Variants in FOLH1 observed in about 807,000 individuals in gnomAD.
The protein encoded by FOLH1 is glutamate carboxypeptidase 2.
In FOLH1, 54 loss-of-function variants were observed where a neutral mutation model predicts 93.9. The observed-to-expected ratio is 0.57, with a 90% confidence interval of 0.46 to 0.72. FOLH1 has a LOEUF of 0.72. Ranked by LOEUF, FOLH1 falls within the 30% of genes least tolerant of loss-of-function variation. The pLI is 0.00. For missense variants in FOLH1, 571 were observed against 892.5 expected, an observed-to-expected ratio of 0.64 and a Z score of 4.59; for synonymous variants, 249 against 303.6, an observed-to-expected ratio of 0.82 and a Z score of 1.87.
rs115922690 is a variant in FOLH1, at chr11:49,173,885, C to G, written c.1106-409G>C. Among the ~76,000 whole-genome samples the G allele has an allele frequency of 2.8e-3, 431 of 152,242 alleles. 3 individuals are homozygous for G. Among genetic ancestry groups the G allele is most frequent in the African/African-American group, 0.01 (428 of 41,552 alleles). ...TTCTTTCTATTCAGTTTTTAAGGTA[C>G]AGCTCAAATATTTTCTCCCTCCATT... On this transcript the variant is annotated intron_variant, in intron 9 of 18. Coordinates refer to ENST00000256999, the MANE Select transcript of FOLH1 (RefSeq NM_004476.3).
In FOLH1 at chr11:49,145,319, G is replaced by C. The variant is rs1464583799; in HGVS notation, c.*1437C>G. 1.3e-5 allele frequency among the ~76,000 whole-genome samples: 2 copies of C among 152,054 alleles called. No homozygotes were observed. Among genetic ancestry groups the C allele is most frequent in the Admixed American group, 6.6e-5 (1 of 15,250 alleles). On this transcript the variant is annotated 3_prime_UTR_variant, in exon 19 of 19. Coordinates refer to ENST00000256999, the MANE Select transcript of FOLH1 (RefSeq NM_004476.3). Reference sequence around the variant, plus strand: ...CTGTGTGCACCCTTGGCAAACTCTGGCAATGCAAATGACATCTCCAGCATC... The same window carrying C: ...CTGTGTGCACCCTTGGCAAACTCTGCCAATGCAAATGACATCTCCAGCATC...
intron 15 of FOLH1, 34 bp from the exon 16 acceptor site, chr11:49,154,526 G>A (rs778728482): frequency 3.2e-6 from 5 of 1,561,166 alleles, no homozygotes; most frequent in Admixed American, 1.9e-5. Flanking sequence ...ATCTCTTATA[G>A]GATAGCTTAC....
At chr11:49,182,388 G>C (rs1860866107) in intron 7 of FOLH1, among the ~76,000 whole-genome samples, 1 of 149,008 alleles carries the variant, frequency 6.7e-6, no homozygotes, top group Non-Finnish European at 1.5e-5. Flanking sequence ...CAGGGAAGAG[G>C]AAACAGTTCC....
chr11:49,186,406 A>G (rs1014561855), intron 5 of FOLH1, among the ~76,000 whole-genome samples: 8 of 152,238 alleles, frequency 5.3e-5, no homozygotes, highest in Non-Finnish European at 1.0e-4. Flanking sequence ...CATAACCTGT[A>G]AGCACAGAAA....
intron 3 of FOLH1, among the ~76,000 whole-genome samples, chr11:49,200,004 T>C (rs539428495): frequency 2.2e-4 from 34 of 152,282 alleles, no homozygotes; most frequent in Admixed American, 2.2e-3. Flanking sequence ...TATTGGTGTG[T>C]AGTACTAAAA....
At chr11:49,182,720 T>A (rs376720525) in intron 7 of FOLH1, among the ~76,000 whole-genome samples, 1 of 152,210 alleles carries the variant, frequency 6.6e-6, no homozygotes, top group East Asian at 1.9e-4. Flanking sequence ...GCAGCATCTA[T>A]TTAAGCGAGG....
chr11:49,197,040 T>A (rs1364892053), intron 3 of FOLH1, among the ~76,000 whole-genome samples: 1 of 152,176 alleles, frequency 6.6e-6, no homozygotes. Flanking sequence ...CATCCCCACA[T>A]ATTCCAAATT....
At chr11:49,169,530 T>C (rs1036381425) in intron 11 of FOLH1, among the ~76,000 whole-genome samples, 1 of 152,210 alleles carries the variant, frequency 6.6e-6, no homozygotes, top group African/African-American at 2.4e-5. Context: ...AGTTAATTTC[T>C]TAACCATACT....
chr11:49,185,893 T>A, intron 5 of FOLH1, 38 bp from the exon 6 acceptor site: 1 of 1,504,974 alleles, frequency 6.6e-7, no homozygotes, highest in Non-Finnish European at 8.8e-7. Context: ...TATTTTAAAT[T>A]GGTTGTTCCA....
At chr11:49,167,403 G>A (rs1354280167) in intron 12 of FOLH1, among the ~76,000 whole-genome samples, 3 of 152,102 alleles carry the variant, frequency 2.0e-5, no homozygotes, top group Non-Finnish European at 4.4e-5. Context: ...AATGAATCCA[G>A]GCATCTGACG....
chr11:49,164,631 A>C, intron 13 of FOLH1, 74 bp downstream of exon 13: 1 of 1,003,020 alleles, frequency 1.0e-6, no homozygotes, highest in East Asian at 2.6e-5. Flanking sequence ...AACACCACCT[A>C]TGTTTAACAT....
chr11:49,173,045 A>T (rs746324515), intron 10 of FOLH1, among the ~76,000 whole-genome samples: 1 of 152,162 alleles, frequency 6.6e-6, no homozygotes, highest in Non-Finnish European at 1.5e-5. Context: ...TTGGCTTATA[A>T]TCTAATTTCA....
intron 2 of FOLH1, among the ~76,000 whole-genome samples, chr11:49,205,745 T>G (rs1051733362): frequency 2.0e-5 from 3 of 152,212 alleles, no homozygotes; most frequent in Non-Finnish European, 4.4e-5. Context: ...TAAGGAAAGT[T>G]TTATCAGAAC....
chr11:49,193,558 T>TG (rs1298223564), intron 3 of FOLH1, among the ~76,000 whole-genome samples: 4 of 152,150 alleles, frequency 2.6e-5, no homozygotes, highest in Non-Finnish European at 5.9e-5. Flanking sequence ...AGTACATGAT[T>TG]GGGGAATCCA....
At chr11:49,196,193 A>G (rs1565207502) in intron 3 of FOLH1, among the ~76,000 whole-genome samples, 1 of 152,190 alleles carries the variant, frequency 6.6e-6, no homozygotes, top group Non-Finnish European at 1.5e-5. Flanking sequence ...ATATAACAAT[A>G]AAGTCATATA....
At chr11:49,203,374 C>A (rs1043993903) in intron 2 of FOLH1, among the ~76,000 whole-genome samples, 36 of 152,192 alleles carry the variant, frequency 2.4e-4, no homozygotes, top group Non-Finnish European at 1.2e-4. Context: ...CCTAATTAAT[C>A]TTCCCATTCA....
intron 1 of FOLH1, among the ~76,000 whole-genome samples, chr11:49,207,444 G>A: frequency 6.6e-6 from 1 of 152,196 alleles, no homozygotes; most frequent in East Asian, 1.9e-4. Flanking sequence ...TCTGGTCCAT[G>A]CCCTGTTCTT....
chr11:49,183,457 A>G (rs1861022193), intron 6 of FOLH1, among the ~76,000 whole-genome samples: 1 of 152,156 alleles, frequency 6.6e-6, no homozygotes, highest in African/African-American at 2.4e-5. Context: ...CACTTAAGGT[A>G]ACTCTTTTGA....
intron 13 of FOLH1, chr11:49,162,970 G>T (rs1857893196): frequency 6.6e-6 from 1 of 152,146 alleles, no homozygotes; most frequent in African/African-American, 2.4e-5. Flanking sequence ...GTCCAAGGGA[G>T]TTATAGACAT....
Sources: gnomAD v4.1 joint callset for allele counts (sites outside exome capture counted in the v4.1 genomes callset) on GRCh38, gnomAD v4.1.1 for gene constraint, MANE v1.5 for transcripts, NCBI Gene and HGNC (gene_info 2026-07-23, HGNC 2026-07-21) for gene names.